TRAPPC9: variants seen among roughly 807,000 people sequenced by gnomAD.
TRAPPC9 encodes the protein IKK2 binding protein.
TRAPPC9 carries 83 observed loss-of-function variants against 124.0 expected under a neutral mutation model. The ratio of observed to expected loss-of-function variants is 0.67; its 90% CI spans 0.56 to 0.80. The LOEUF is 0.80. TRAPPC9 is among the 30% of genes least tolerant of loss of function. TRAPPC9 has a pLI of 0.00. For synonymous variants in TRAPPC9, 638 were observed against 617.5 expected, an observed-to-expected ratio of 1.03 and a Z score of -0.49; for missense variants, 1,302 against 1,508.3, an observed-to-expected ratio of 0.86 and a Z score of 2.27.
At chr8:139,969,607 C>T (rs1012473550) in intron 19 of TRAPPC9, among the ~76,000 whole-genome samples, 1 of 152,206 alleles carries the variant, frequency 6.6e-6, no homozygotes, top group Non-Finnish European at 1.5e-5. Flanking sequence ...GGCACATCTG[C>T]AAACCTGCAG....
chr8:140,134,158 C>A (rs34845850), intron 17 of TRAPPC9, among the ~76,000 whole-genome samples: 1 of 152,074 alleles, frequency 6.6e-6, no homozygotes, highest in Non-Finnish European at 1.5e-5. Flanking sequence ...TACAAAGCCA[C>A]GGTAATACAA....
chr8:140,225,460 A>G (rs529189468), intron 16 of TRAPPC9, among the ~76,000 whole-genome samples: 4 of 152,332 alleles, frequency 2.6e-5, no homozygotes, highest in East Asian at 1.9e-4. Flanking sequence ...TAAAGACTCA[A>G]TCAAAAGCTG....
At chr8:140,110,200 C>CT (rs2060738290) in intron 17 of TRAPPC9, among the ~76,000 whole-genome samples, 1 of 149,674 alleles carries the variant, frequency 6.7e-6, no homozygotes, top group African/African-American at 2.5e-5. Flanking sequence ...GCAGCTCCCC[C>CT]ATGCACCCCC....
chr8:139,822,106 T>C (rs1287562403), intron 21 of TRAPPC9, among the ~76,000 whole-genome samples: 3 of 152,150 alleles, frequency 2.0e-5, no homozygotes, highest in Non-Finnish European at 1.5e-5. Context: ...GGCAGACCAG[T>C]TCATCCAGCT....
At chr8:139,756,559 G>C in intron 21 of TRAPPC9, among the ~76,000 whole-genome samples, 1 of 146,132 alleles carries the variant, frequency 6.8e-6, no homozygotes, top group Non-Finnish European at 1.5e-5. Flanking sequence ...TTGGGGATGA[G>C]GACAGCAGGT....
chr8:139,821,040 GA>G (rs1231416690), intron 21 of TRAPPC9, among the ~76,000 whole-genome samples: 1 of 152,142 alleles, frequency 6.6e-6, no homozygotes, highest in Non-Finnish European at 1.5e-5. Context: ...AAATATAACA[GA>G]CCAGGAAATG....
intron 19 of TRAPPC9, among the ~76,000 whole-genome samples, chr8:139,915,253 T>A (rs1832045359): frequency 6.6e-6 from 1 of 152,188 alleles, no homozygotes; most frequent in Non-Finnish European, 1.5e-5. Flanking sequence ...GTTATTATTT[T>A]GATTTTTTTT....
At chr8:140,294,005 G>C (rs1454550679) in intron 11 of TRAPPC9, among the ~76,000 whole-genome samples, 1 of 152,070 alleles carries the variant, frequency 6.6e-6, no homozygotes, top group Non-Finnish European at 1.5e-5. Flanking sequence ...GTCTATGTCA[G>C]CAGCACAAAT....
chr8:140,427,220 G>A (rs571150977), intron 4 of TRAPPC9, among the ~76,000 whole-genome samples: 26 of 151,380 alleles, frequency 1.7e-4, no homozygotes, highest in African/African-American at 5.8e-4. Context: ...AAACAAGTAT[G>A]ACAATTCCTT....
At chr8:140,269,413 T>C (rs2131598318) in intron 15 of TRAPPC9, among the ~76,000 whole-genome samples, 1 of 151,898 alleles carries the variant, frequency 6.6e-6, no homozygotes, top group South Asian at 2.1e-4. Context: ...TGGTGGCAGG[T>C]GCCTGGAGTC....
chr8:140,303,018 A>G (rs900307364), intron 10 of TRAPPC9, among the ~76,000 whole-genome samples: 5 of 152,204 alleles, frequency 3.3e-5, no homozygotes, highest in Admixed American at 3.3e-4. Context: ...GAACACAGTC[A>G]TGGAGGCTGC....
At chr8:139,966,180 C>T (rs574929580) in intron 19 of TRAPPC9, among the ~76,000 whole-genome samples, 16 of 152,306 alleles carry the variant, frequency 1.1e-4, no homozygotes, top group Admixed American at 7.2e-4. Flanking sequence ...CTCTCATCCT[C>T]GAAGGGAGGT....
rs1271425255 is a variant in TRAPPC9, at chr8:139,908,595, A to AG, written c.2964+1551dup. 2.6e-5 allele frequency: 4 copies of AG among 152,310 alleles called. No homozygotes were observed. In the East Asian group the frequency reaches 7.7e-4, roughly 29 times the overall value. 9.4% of individuals were successfully genotyped at this position (152,310 alleles called of 1,614,324 possible). A position where few individuals can be genotyped will look rare whatever the true frequency, so the allele number is the denominator to read the frequency against. The stretch of plus-strand genomic sequence containing the variant: ...CTTTGAAGCCTGAGACTCGGGGGTG[A>AG]GCACTTTGCCAGCAAACTTACCTGG... On this transcript the variant is annotated intron_variant, in intron 20 of 22. Transcript: ENST00000438773.
intron 18 of TRAPPC9, among the ~76,000 whole-genome samples, chr8:139,999,187 C>T (rs915199395): frequency 3.3e-5 from 5 of 151,634 alleles, no homozygotes; most frequent in Non-Finnish European, 7.4e-5. Flanking sequence ...TGTCAGAATA[C>T]GTTTAAACAA....
intron 17 of TRAPPC9, among the ~76,000 whole-genome samples, chr8:140,125,850 T>C (rs2061086477): frequency 6.6e-6 from 1 of 152,092 alleles, no homozygotes; most frequent in Admixed American, 6.5e-5. Flanking sequence ...ATTAGACATC[T>C]CCTTTGAGCC....
At chr8:140,199,719 AT>A (rs368238175) in intron 17 of TRAPPC9, among the ~76,000 whole-genome samples, 7 of 152,234 alleles carry the variant, frequency 4.6e-5, no homozygotes, top group African/African-American at 1.7e-4. Context: ...CAGATCTTCC[AT>A]TTTTTTATTG....
intron 19 of TRAPPC9, among the ~76,000 whole-genome samples, chr8:139,949,582 G>T (rs567939739): frequency 2.6e-4 from 39 of 152,290 alleles, no homozygotes; most frequent in Admixed American, 7.8e-4. Context: ...AGGAAGTATT[G>T]ATACATACTT....
At chr8:140,283,814 T>C (rs2065400048) in intron 14 of TRAPPC9, 75 bp downstream of exon 14, 5 of 1,477,334 alleles carry the variant, frequency 3.4e-6, no homozygotes, top group Non-Finnish European at 4.7e-6. Flanking sequence ...CTTTGTGCCA[T>C]TAAAAAAAAA....
At chr8:139,735,328 T>C (rs1818086358) in intron 21 of TRAPPC9, among the ~76,000 whole-genome samples, 1 of 152,214 alleles carries the variant, frequency 6.6e-6, no homozygotes, top group Non-Finnish European at 1.5e-5. Context: ...CCATGAGCAT[T>C]TGAGGGACTT....
Sources: gnomAD v4.1 joint callset for allele counts (sites outside exome capture counted in the v4.1 genomes callset) on GRCh38, gnomAD v4.1.1 for gene constraint, MANE v1.5 for transcripts, NCBI Gene and HGNC (gene_info 2026-07-23, HGNC 2026-07-21) for gene names.